GPC5: variants seen among roughly 807,000 people sequenced by gnomAD.
The protein encoded by GPC5 is glypican-5.
A neutral mutation model predicts 53.9 loss-of-function variants in GPC5; 47 were observed. The ratio of observed to expected loss-of-function variants is 0.87; its 90% confidence interval spans 0.69 to 1.11. GPC5 has a LOEUF of 1.11. Among genes scored for constraint, GPC5 ranks in the 50% most tolerant of loss-of-function variants. GPC5 has a pLI of 0.00. For missense variants in GPC5, 748 were observed against 713.1 expected (o/e 1.05, Z -0.56); for synonymous variants, 286 against 263.3 (o/e 1.09, Z -0.84).
At chr13:91,763,314 G>A (rs895916375) in intron 5 of GPC5, among the ~76,000 whole-genome samples, 28 of 152,058 alleles carry the variant, frequency 1.8e-4, no homozygotes, top group Admixed American at 1.2e-3. Context: ...CTCATGGTAC[G>A]CACTTTCATG....
chr13:91,722,514 A>G (rs1229984050), intron 3 of GPC5, among the ~76,000 whole-genome samples: 1 of 152,216 alleles, frequency 6.6e-6, no homozygotes, highest in East Asian at 1.9e-4. Context: ...ATATATAGGA[A>G]TGCAAAAATA....
intron 7 of GPC5, among the ~76,000 whole-genome samples, chr13:92,705,206 T>C (rs1479698135): frequency 6.6e-6 from 1 of 152,138 alleles, no homozygotes; most frequent in Non-Finnish European, 1.5e-5. Flanking sequence ...TTTATTTAGC[T>C]ATTCATTCAA....
rs2031840471 is a variant in GPC5 at position 91,571,865 on chromosome 13, GTGTATA to G, written c.326-121320_326-121315del. On this transcript the variant is annotated intron_variant, in intron 2 of 7. Coordinates refer to ENST00000377067, the MANE Select transcript of GPC5 (RefSeq NM_004466.6). ...TGTGTGTATATACACATATACGTGT[GTGTATA>G]TATACACACATATACGTGTGTATAT... 3.3e-5 allele frequency among the ~76,000 whole-genome samples: 4 copies of G among 122,298 alleles called. 1 individual carries two copies. Among genetic ancestry groups the G allele is most frequent in the South Asian group, 6.1e-4 (2 of 3,272 alleles). The allele number at this position is 122,298 out of a possible 152,430, so 80.2% of individuals were successfully genotyped here.
At chr13:92,603,757 C>G (rs568569225) in intron 7 of GPC5, among the ~76,000 whole-genome samples, 8 of 152,238 alleles carry the variant, frequency 5.3e-5, no homozygotes, top group African/African-American at 1.7e-4. Context: ...ATTTGCCTTA[C>G]GAAGTCATTC....
chr13:92,163,190 G>A (rs2042002714), intron 7 of GPC5, among the ~76,000 whole-genome samples: 1 of 152,070 alleles, frequency 6.6e-6, no homozygotes, highest in Non-Finnish European at 1.5e-5. Flanking sequence ...GGCTGGGCAT[G>A]GTGATTCACG....
At chr13:91,826,169 C>A (rs2038572673) in intron 5 of GPC5, among the ~76,000 whole-genome samples, 1 of 121,250 alleles carries the variant, frequency 8.2e-6, no homozygotes, top group South Asian at 3.4e-4. Context: ...AATTAAAAGG[C>A]AGTTAATATT....
At chr13:91,496,018 G>T (rs144233550) in intron 2 of GPC5, among the ~76,000 whole-genome samples, 1 of 147,632 alleles carries the variant, frequency 6.8e-6, no homozygotes, top group Non-Finnish European at 1.5e-5. Flanking sequence ...GAGAGACTCT[G>T]TCTCAAAAAA....
chr13:92,085,562 G>A (rs963285879), intron 6 of GPC5, among the ~76,000 whole-genome samples: 1 of 152,102 alleles, frequency 6.6e-6, no homozygotes, highest in Non-Finnish European at 1.5e-5. Context: ...GATGGTTTCA[G>A]AATGATTTGA....
intron 7 of GPC5, among the ~76,000 whole-genome samples, chr13:92,216,173 G>C (rs1290927097): frequency 2.0e-5 from 3 of 152,172 alleles, no homozygotes; most frequent in Non-Finnish European, 4.4e-5. Flanking sequence ...ACTGTCACTG[G>C]TGAAAACTTG....
At chr13:92,570,796 T>C (rs540788087) in intron 7 of GPC5, among the ~76,000 whole-genome samples, 80 of 152,286 alleles carry the variant, frequency 5.3e-4, no homozygotes, top group African/African-American at 1.9e-3. Context: ...ATTATTTTTA[T>C]AATTTACATC....
At chr13:92,246,892 T>C (rs9589460) in intron 7 of GPC5, among the ~76,000 whole-genome samples, 44,895 of 152,002 alleles carry the variant, frequency 0.3, 7,019 homozygotes, top group South Asian at 0.45. Flanking sequence ...AATCTTTTAA[T>C]TAACTATGTA....
chr13:92,500,906 C>T (rs1471818763), intron 7 of GPC5, among the ~76,000 whole-genome samples: 3 of 152,084 alleles, frequency 2.0e-5, no homozygotes, highest in African/African-American at 7.2e-5. Context: ...TTGGAAACTT[C>T]AGGGGAGATT....
At chr13:91,907,904 A>G in intron 5 of GPC5, 33 bp from the exon 6 acceptor site, 1 of 1,590,616 alleles carries the variant, frequency 6.3e-7, no homozygotes, top group East Asian at 2.2e-5. Flanking sequence ...CTGATCAGGT[A>G]CTAAGTCATA....
intron 2 of GPC5, among the ~76,000 whole-genome samples, chr13:91,551,453 G>A (rs1447344691): frequency 6.6e-6 from 1 of 152,086 alleles, no homozygotes; most frequent in Admixed American, 6.6e-5. Flanking sequence ...ATAAAATAGA[G>A]TTGACAAGAG....
intron 5 of GPC5, among the ~76,000 whole-genome samples, chr13:91,843,897 A>G (rs2038819048): frequency 6.6e-6 from 1 of 152,208 alleles, no homozygotes; most frequent in Non-Finnish European, 1.5e-5. Context: ...TTAAAGATGA[A>G]TGTGAACACC....
chr13:91,590,233 A>G (rs1445601171), intron 2 of GPC5, among the ~76,000 whole-genome samples: 2 of 152,004 alleles, frequency 1.3e-5, no homozygotes, highest in Admixed American at 1.3e-4. Flanking sequence ...AATATAAAAT[A>G]CCAAGTAATA....
chr13:92,496,103 A>C (rs1879969063), intron 7 of GPC5, among the ~76,000 whole-genome samples: 1 of 152,100 alleles, frequency 6.6e-6, no homozygotes, highest in African/African-American at 2.4e-5. Flanking sequence ...GACCTATCTG[A>C]ATTTGTAATC....
intron 2 of GPC5, among the ~76,000 whole-genome samples, chr13:91,686,902 G>A (rs1444459047): frequency 3.3e-5 from 5 of 151,774 alleles, no homozygotes; most frequent in Non-Finnish European, 7.4e-5. Flanking sequence ...ATGCAAATTC[G>A]CTCTGAAAAT....
intron 7 of GPC5, among the ~76,000 whole-genome samples, chr13:92,772,427 C>G (rs182834923): frequency 6.6e-6 from 1 of 152,210 alleles, no homozygotes; most frequent in African/African-American, 2.4e-5. Context: ...ACCATGGGGC[C>G]TTTGCACTTG....
Sources: allele counts gnomAD v4.1 joint callset (sites outside exome capture counted in the v4.1 genomes callset), GRCh38; gene constraint gnomAD v4.1.1; transcripts MANE v1.5; gene names NCBI Gene and HGNC (gene_info 2026-07-23, HGNC 2026-07-21).